SGMS1: variants seen among roughly 807,000 people sequenced by gnomAD.
The protein encoded by SGMS1 is phosphatidylcholine:ceramide cholinephosphotransferase 1.
A neutral mutation model predicts 46.2 loss-of-function variants in SGMS1; 13 were observed. The ratio of observed to expected loss-of-function variants is 0.28; its 90% CI spans 0.18 to 0.45. The LOEUF is 0.45. SGMS1 is among the 20% of genes least tolerant of loss of function. The pLI is 1.00. For synonymous variants in SGMS1, 203 were observed against 187.8 expected (o/e 1.08, Z -0.66); for missense variants, 324 against 519.9 (o/e 0.62, Z 3.66).
intron 2 of SGMS1, among the ~76,000 whole-genome samples, chr10:50,561,802 A>G (rs1371418677): frequency 2.6e-5 from 4 of 152,188 alleles, no homozygotes; most frequent in African/African-American, 9.6e-5. Context: ...GAGACTGGAA[A>G]TTAACCACAG....
At chr10:50,579,161 A>T (rs917776848) in intron 2 of SGMS1, among the ~76,000 whole-genome samples, 1 of 152,172 alleles carries the variant, frequency 6.6e-6, no homozygotes, top group Non-Finnish European at 1.5e-5. Context: ...CTGTCAAAAA[A>T]TTTTAAAAAA....
chr10:50,605,145 C>T lies in SGMS1; in HGVS notation c.-683-14898G>A, dbSNP rs200802705. ...AAGATGCCCAGGCACCACAAAACCC[C>T]GGACCACTGCATGGAGTCAGTGGGG... On this transcript the variant is annotated intron_variant, in intron 1 of 10. Coordinates refer to ENST00000361781, the MANE Select transcript of SGMS1 (RefSeq NM_147156.4). Among the ~76,000 whole-genome samples the T allele has an allele frequency of 3.4e-4, 52 of 152,148 alleles. No individual in the cohort carries two copies. In the Middle Eastern group the frequency reaches 0.01, roughly 30 times the overall value.
chr10:50,354,538 C>A (rs969004720), intron 6 of SGMS1, among the ~76,000 whole-genome samples: 3 of 152,162 alleles, frequency 2.0e-5, no homozygotes, highest in Non-Finnish European at 2.9e-5. Flanking sequence ...TGGGCAAGAA[C>A]TTCATGTCTA....
chr10:50,409,213 T>C (rs910052932), intron 6 of SGMS1, among the ~76,000 whole-genome samples: 1 of 152,264 alleles, frequency 6.6e-6, no homozygotes, highest in African/African-American at 2.4e-5. Flanking sequence ...GAGATATCCA[T>C]GACCTCCAGT....
intron 1 of SGMS1, among the ~76,000 whole-genome samples, chr10:50,618,674 C>T (rs148383746): frequency 1.3e-5 from 2 of 152,264 alleles, no homozygotes; most frequent in African/African-American, 4.8e-5. Context: ...CCCTTGTGCA[C>T]TGATGTGGAA....
At chr10:50,589,364 C>A (rs113106321) in intron 2 of SGMS1, among the ~76,000 whole-genome samples, 1 of 152,064 alleles carries the variant, frequency 6.6e-6, no homozygotes, top group Non-Finnish European at 1.5e-5. Flanking sequence ...TGGGCTCAAG[C>A]GATCCTCCCA....
intron 1 of SGMS1, among the ~76,000 whole-genome samples, chr10:50,609,903 T>C (rs527766983): frequency 6.6e-6 from 1 of 152,224 alleles, no homozygotes; most frequent in African/African-American, 2.4e-5. Context: ...CAGAGCAATC[T>C]CCTAAAACAG....
At chr10:50,586,146 T>C (rs1051847463) in intron 2 of SGMS1, among the ~76,000 whole-genome samples, 2 of 152,208 alleles carry the variant, frequency 1.3e-5, no homozygotes, top group Non-Finnish European at 2.9e-5. Flanking sequence ...AATTTTTCCA[T>C]AAAAACACCC....
At chr10:50,377,203 T>A (rs998441916) in intron 6 of SGMS1, among the ~76,000 whole-genome samples, 1 of 152,222 alleles carries the variant, frequency 6.6e-6, no homozygotes, top group African/African-American at 2.4e-5. Flanking sequence ...GAGGGCCTCA[T>A]GCTGCATCAA....
intron 7 of SGMS1, among the ~76,000 whole-genome samples, chr10:50,330,930 T>C (rs1395073048): frequency 6.6e-6 from 1 of 152,202 alleles, no homozygotes; most frequent in African/African-American, 2.4e-5. Flanking sequence ...CCTGGTGCCT[T>C]TGACCATCTC....
At chr10:50,521,235 A>G (rs1837854385) in intron 2 of SGMS1, among the ~76,000 whole-genome samples, 1 of 152,194 alleles carries the variant, frequency 6.6e-6, no homozygotes, top group Admixed American at 6.5e-5. Context: ...TAATAGTACA[A>G]AAGTATCCAG....
intron 6 of SGMS1, among the ~76,000 whole-genome samples, chr10:50,352,386 T>A (rs1256718359): frequency 6.6e-6 from 1 of 152,010 alleles, no homozygotes; most frequent in Non-Finnish European, 1.5e-5. Context: ...ACTGCCACCA[T>A]CCCCAGAAAA....
chr10:50,402,851 G>GT (rs1848961076), intron 6 of SGMS1, among the ~76,000 whole-genome samples: 9 of 151,992 alleles, frequency 5.9e-5, no homozygotes, highest in Admixed American at 5.9e-4. Context: ...AGTGTACCCT[G>GT]TACCCCATAG....
At chr10:50,449,878 A>G (rs1837079557) in intron 5 of SGMS1, among the ~76,000 whole-genome samples, 1 of 151,466 alleles carries the variant, frequency 6.6e-6, no homozygotes, top group African/African-American at 2.4e-5. Flanking sequence ...CTACTTGTCA[A>G]TTTTGCTCAC....
In SGMS1 at chr10:50,451,576, G is replaced by C. The variant is rs1837109682; in HGVS notation, c.-313+9097C>G. Among the ~76,000 whole-genome samples, 4 of 152,142 alleles carry C rather than the reference G, an allele frequency of 2.6e-5. No homozygotes were observed. The South Asian group carries it at 8.3e-4, about 32-fold the overall frequency. On this transcript the variant is annotated intron_variant, in intron 5 of 10. Transcript: ENST00000361781. ...GTTCTAATGTGGCAATGCAGACTGA[G>C]GGCTTGGTCAGAGAGGACTACTTGC...
At chr10:50,578,178 G>A (rs376628053) in intron 2 of SGMS1, among the ~76,000 whole-genome samples, 1 of 152,196 alleles carries the variant, frequency 6.6e-6, no homozygotes, top group Non-Finnish European at 1.5e-5. Flanking sequence ...CTTTTTACCT[G>A]TTCTCTGATG....
intron 2 of SGMS1, among the ~76,000 whole-genome samples, chr10:50,582,516 T>A (rs1403347149): frequency 6.6e-6 from 1 of 152,162 alleles, no homozygotes; most frequent in African/African-American, 2.4e-5. Context: ...TCAAGTCACC[T>A]CCTGACCATA....
intron 3 of SGMS1, among the ~76,000 whole-genome samples, chr10:50,497,851 C>T (rs1452057837): frequency 2.0e-5 from 3 of 152,068 alleles, no homozygotes; most frequent in Non-Finnish European, 4.4e-5. Context: ...ATTCATCCAC[C>T]TACCATCTAA....
intron 1 of SGMS1, among the ~76,000 whole-genome samples, chr10:50,613,521 C>T (rs868865356): frequency 3.3e-5 from 5 of 152,182 alleles, no homozygotes; most frequent in African/African-American, 1.2e-4. Flanking sequence ...CTGAACAGGC[C>T]TCTCTAGCCT....
Sources: allele counts gnomAD v4.1 joint callset (sites outside exome capture counted in the v4.1 genomes callset), GRCh38; gene constraint gnomAD v4.1.1; transcripts MANE v1.5; gene names NCBI Gene and HGNC (gene_info 2026-07-23, HGNC 2026-07-21).